The following MYO1D variants were observed in gnomAD, a reference collection of about 807,000 sequenced individuals.
MYO1D encodes the protein unconventional myosin-Id.
MYO1D carries 83 observed loss-of-function variants against 122.0 expected under a neutral mutation model. The ratio of observed to expected loss-of-function variants is 0.68; its 90% confidence interval spans 0.57 to 0.82. The LOEUF is 0.82. Ranked by LOEUF, MYO1D falls within the 40% of genes least tolerant of loss-of-function variation. The probability of loss-of-function intolerance (pLI) is 0.00; values close to 1 mark genes in which losing one functional copy is unlikely to be tolerated. For synonymous variants in MYO1D, 464 were observed against 446.9 expected, an observed-to-expected ratio of 1.04 and a Z score of -0.48; for missense variants, 1,157 against 1,269.5, an observed-to-expected ratio of 0.91 and a Z score of 1.35.
Position 32,764,967 on chromosome 17 carries a change from GA to G in MYO1D, c.945del (p.Leu316PhefsTer101). On this transcript the variant is annotated frameshift_variant, in exon 8 of 22. Transcript: ENST00000318217. LOFTEE classifies it high-confidence loss of function. ...STKTDMVEKALLYRTVATGRD... is the reference protein window; with the variant it reads ...STKTDMVEKAXLYRTVATGRD... ...CGGCCTGTGGCCACAGTCCGGTAAA[GA>G]AGGGCTTTCTCAACCATATCTGTCT... 1 of 1,614,244 alleles carries G rather than the reference GA, an allele frequency of 6.2e-7. No homozygotes were observed.
chr17:32,840,998 C>T (rs1269934387), intron 1 of MYO1D, among the ~76,000 whole-genome samples: 1 of 152,140 alleles, frequency 6.6e-6, no homozygotes, highest in Admixed American at 6.5e-5. Flanking sequence ...ATATTTAACA[C>T]TTCAGTATAA....
At chr17:32,832,323 T>C (rs946552773) in intron 1 of MYO1D, among the ~76,000 whole-genome samples, 58 of 150,534 alleles carry the variant, frequency 3.9e-4, no homozygotes, top group Admixed American at 6.6e-4. Flanking sequence ...TTTTTTGACA[T>C]GGAGTCACGC....
intron 13 of MYO1D, among the ~76,000 whole-genome samples, chr17:32,739,406 C>T (rs1195558898): frequency 2.0e-5 from 3 of 148,702 alleles, no homozygotes; most frequent in Non-Finnish European, 4.4e-5. Flanking sequence ...AAAAACCAAA[C>T]ATCACATGTT....
rs527862285 is a variant in MYO1D, at chr17:32,506,652, A to T, written c.2865-11737T>A. On this transcript the variant is annotated intron_variant, in intron 21 of 21. Coordinates refer to ENST00000318217, the MANE Select transcript of MYO1D (RefSeq NM_015194.3). ...ATATAAATGAGCACAGTAAACCTAG[A>T]TGTGCAAACCTCTGGCTAAAAGGGA... Among the ~76,000 whole-genome samples, 11 of 152,368 alleles carry T rather than the reference A, an allele frequency of 7.2e-5. No homozygotes were observed. In the South Asian group the frequency reaches 8.3e-4, roughly 11 times the overall value.
At chr17:32,573,281 AATT>A (rs1376144350) in intron 21 of MYO1D, among the ~76,000 whole-genome samples, 2 of 152,132 alleles carry the variant, frequency 1.3e-5, no homozygotes, top group African/African-American at 4.8e-5. Context: ...CATGGTCTAG[AATT>A]GAATAAAATC....
At chr17:32,568,186 C>CAAAAAA (rs386385913) in intron 21 of MYO1D, among the ~76,000 whole-genome samples, 5,366 of 124,124 alleles carry the variant, frequency 0.043, 182 homozygotes, top group Middle Eastern at 0.054. Flanking sequence ...TGCGTTATTA[C>CAAAAAA]AAAAAAAAAA....
At chr17:32,620,146 G>A (rs1329051766) in intron 20 of MYO1D, among the ~76,000 whole-genome samples, 1 of 152,144 alleles carries the variant, frequency 6.6e-6, no homozygotes, top group Non-Finnish European at 1.5e-5. Context: ...CCAGGAGTGG[G>A]TGGAAACCTA....
chr17:32,820,976 G>T (rs2090656109), intron 1 of MYO1D, among the ~76,000 whole-genome samples: 1 of 152,010 alleles, frequency 6.6e-6, no homozygotes, highest in African/African-American at 2.4e-5. Flanking sequence ...TCATCACTCA[G>T]GTATTAAGCC....
intron 19 of MYO1D, among the ~76,000 whole-genome samples, chr17:32,653,269 A>AGAGG (rs1222242250): frequency 6.6e-6 from 1 of 152,130 alleles, no homozygotes; most frequent in East Asian, 1.9e-4. Flanking sequence ...CTGACTTTAA[A>AGAGG]GAGGTCCCCG....
intron 16 of MYO1D, among the ~76,000 whole-genome samples, chr17:32,676,772 A>G (rs187328115): frequency 6.0e-4 from 92 of 152,300 alleles, no homozygotes; most frequent in Middle Eastern, 3.4e-3. Flanking sequence ...TGTATTTGCA[A>G]CTAAACATAT....
At chr17:32,775,802 A>T (rs1199543716) in intron 4 of MYO1D, 62 bp downstream of exon 4, 1 of 1,346,010 alleles carries the variant, frequency 7.4e-7, no homozygotes, top group African/African-American at 1.5e-5. Flanking sequence ...AATTCTATAA[A>T]TATAATTTGT....
intron 1 of MYO1D, among the ~76,000 whole-genome samples, chr17:32,801,508 C>T (rs2090461014): frequency 6.6e-6 from 1 of 152,026 alleles, no homozygotes; most frequent in South Asian, 2.1e-4. Context: ...AAATTGGTGA[C>T]ATACAGGAAA....
At chr17:32,567,312 C>T (rs889520295) in intron 21 of MYO1D, among the ~76,000 whole-genome samples, 8 of 152,128 alleles carry the variant, frequency 5.3e-5, no homozygotes, top group Admixed American at 3.3e-4. Flanking sequence ...GCTGACTCAG[C>T]GAATGAATGT....
At chr17:32,794,270 T>A (rs1373255486) in intron 1 of MYO1D, 1 of 152,198 alleles carries the variant, frequency 6.6e-6, no homozygotes, top group East Asian at 1.9e-4. Context: ...CTTGGCTTTC[T>A]TCTTCTGGTG....
intron 21 of MYO1D, among the ~76,000 whole-genome samples, chr17:32,580,501 C>A (rs1158897521): frequency 1.3e-5 from 2 of 150,288 alleles, no homozygotes; most frequent in Non-Finnish European, 3.0e-5. Context: ...CCTCTGCCTC[C>A]CAGGTTCAAG....
chr17:32,806,500 G>A (rs759088629), intron 1 of MYO1D, among the ~76,000 whole-genome samples: 1 of 152,072 alleles, frequency 6.6e-6, no homozygotes, highest in Non-Finnish European at 1.5e-5. Flanking sequence ...AGTAGCTGGG[G>A]ACTACAGGTG....
At chr17:32,791,896 C>A (rs1360212517) in intron 1 of MYO1D, among the ~76,000 whole-genome samples, 3 of 152,186 alleles carry the variant, frequency 2.0e-5, no homozygotes, top group African/African-American at 7.2e-5. Flanking sequence ...TCAGAGGCAA[C>A]CACTGCTGCT....
chr17:32,804,394 T>A (rs1386024783), intron 1 of MYO1D, among the ~76,000 whole-genome samples: 1 of 152,192 alleles, frequency 6.6e-6, no homozygotes, highest in Non-Finnish European at 1.5e-5. Flanking sequence ...GGGTTTACTT[T>A]GGAGTTTACA....
intron 21 of MYO1D, among the ~76,000 whole-genome samples, chr17:32,555,372 AT>A (rs1053538908): frequency 6.6e-5 from 10 of 152,306 alleles, no homozygotes; most frequent in African/African-American, 2.4e-4. Context: ...AGAATCTCAT[AT>A]TTGTAAAACT....
Sources: allele counts gnomAD v4.1 joint callset (sites outside exome capture counted in the v4.1 genomes callset), GRCh38; gene constraint gnomAD v4.1.1; transcripts MANE v1.5; gene names NCBI Gene and HGNC (gene_info 2026-07-23, HGNC 2026-07-21).